Variants in ELAVL4 observed in about 807,000 individuals in gnomAD.
ELAVL4 encodes the protein ELAV like RNA binding protein 4.
A neutral mutation model predicts 35.6 loss-of-function variants in ELAVL4; 1 was observed. That is an observed-to-expected ratio of 0.03 (90% CI 0.01 to 0.13). The LOEUF is 0.13. ELAVL4 is among the 10% of genes least tolerant of loss of function. The pLI is 1.00. For synonymous variants in ELAVL4, 156 were observed against 171.0 expected, an observed-to-expected ratio of 0.91 and a Z score of 0.69; for missense variants, 267 against 464.9, an observed-to-expected ratio of 0.57 and a Z score of 3.91.
At chr1:50,110,274 G>T (rs957648800) in intron 1 of ELAVL4, among the ~76,000 whole-genome samples, 1 of 152,128 alleles carries the variant, frequency 6.6e-6, no homozygotes, top group African/African-American at 2.4e-5. Context: ...CTGTTGGCTG[G>T]CGTGTCCACC....
In ELAVL4 at chr1:50,203,693, T is replaced by C. The variant is rs927058742; in HGVS notation, c.*2515T>C. 6.6e-6 allele frequency: 1 copy of C among 151,092 alleles called. No individual in the cohort carries two copies. Among genetic ancestry groups the C allele is most frequent in the African/African-American group, 2.4e-5 (1 of 41,132 alleles). 9.4% of individuals were successfully genotyped at this position (151,092 alleles called of 1,614,324 possible). On this transcript the variant is annotated 3_prime_UTR_variant, in exon 7 of 7. Coordinates refer to ENST00000371824, the MANE Select transcript of ELAVL4 (RefSeq NM_001144774.3). ...TTTCCAAGGGAAAGTATTGTAAATG[T>C]TTTTTTTTCATAATCTTGTTGTGTT...
intron 1 of ELAVL4, among the ~76,000 whole-genome samples, chr1:50,072,977 T>G (rs1420020851): frequency 6.6e-6 from 1 of 152,222 alleles, no homozygotes; most frequent in Non-Finnish European, 1.5e-5. Flanking sequence ...CATTCACCTT[T>G]AGTCCCCATC....
intron 2 of ELAVL4, among the ~76,000 whole-genome samples, chr1:50,172,127 G>T (rs1434947672): frequency 6.6e-6 from 1 of 152,146 alleles, no homozygotes; most frequent in African/African-American, 2.4e-5. Context: ...TGGCAGTGCA[G>T]AAATGCTGAG....
intron 3 of ELAVL4, among the ~76,000 whole-genome samples, chr1:50,177,735 G>A (rs780265239): frequency 3.9e-5 from 6 of 152,128 alleles, no homozygotes; most frequent in East Asian, 1.9e-4. Flanking sequence ...ATCGAGACTC[G>A]AAAAGGGAGC....
At chr1:50,111,370 A>G (rs1443606694) in intron 1 of ELAVL4, among the ~76,000 whole-genome samples, 2 of 151,306 alleles carry the variant, frequency 1.3e-5, no homozygotes, top group Non-Finnish European at 2.9e-5. Flanking sequence ...ATAATAGTGA[A>G]CTCCCACAGC....
intron 1 of ELAVL4, among the ~76,000 whole-genome samples, chr1:50,135,274 A>T (rs1557758566): frequency 6.6e-6 from 1 of 152,192 alleles, no homozygotes; most frequent in Non-Finnish European, 1.5e-5. Context: ...CTCATTGTAG[A>T]AACAAAACAA....
chr1:50,071,132 T>C (rs1664498729), intron 1 of ELAVL4, among the ~76,000 whole-genome samples: 1 of 152,186 alleles, frequency 6.6e-6, no homozygotes, highest in East Asian at 1.9e-4. Context: ...ACAGTCCTTC[T>C]CTCATCTGCA....
At chr1:50,086,474 TTTTA>T (rs1665246688) in intron 1 of ELAVL4, among the ~76,000 whole-genome samples, 1 of 88,144 alleles carries the variant, frequency 1.1e-5, no homozygotes. Flanking sequence ...ACCATTCAGC[TTTTA>T]TATATATATA....
intron 1 of ELAVL4, among the ~76,000 whole-genome samples, chr1:50,060,665 G>A (rs1328087308): frequency 6.6e-6 from 1 of 152,186 alleles, no homozygotes; most frequent in Non-Finnish European, 1.5e-5. Context: ...GATCCTACTT[G>A]TAGGAATACT....
At chr1:50,157,221 A>G (rs1317576768) in intron 2 of ELAVL4, among the ~76,000 whole-genome samples, 1 of 152,132 alleles carries the variant, frequency 6.6e-6, no homozygotes, top group Non-Finnish European at 1.5e-5. Context: ...CGGGCTAGCT[A>G]TGGGACTTTT....
chr1:50,203,138 T>C lies in ELAVL4; in HGVS notation c.*1960T>C, dbSNP rs1206867906. The C allele has an allele frequency of 6.6e-6, 1 of 152,264 alleles. No homozygotes were observed. Among genetic ancestry groups the C allele is most frequent in the Non-Finnish European group, 1.5e-5 (1 of 68,044 alleles). 9.4% of individuals were successfully genotyped at this position (152,264 alleles called of 1,614,324 possible). A position where few individuals can be genotyped will look rare whatever the true frequency, so the allele number is the denominator to read the frequency against. The stretch of plus-strand genomic sequence containing the variant: ...ATAGTTAAATTTGCTATTGCTTTTC[T>C]TGTCTTGTTATATAAAATCTTTTCA... On this transcript the variant is annotated 3_prime_UTR_variant, in exon 7 of 7. Transcript: ENST00000371824.
At chr1:50,057,426 A>G (rs372502877) in intron 1 of ELAVL4, among the ~76,000 whole-genome samples, 7 of 152,324 alleles carry the variant, frequency 4.6e-5, no homozygotes, top group African/African-American at 1.4e-4. Context: ...TATAAAGTCT[A>G]CAGTAGTGTA....
chr1:50,113,463 C>T (rs1010268730), intron 1 of ELAVL4, among the ~76,000 whole-genome samples: 7 of 152,040 alleles, frequency 4.6e-5, no homozygotes, highest in African/African-American at 1.7e-4. Context: ...AGTACTTTGG[C>T]CTTGACAAAT....
chr1:50,134,678 G>A (rs1433632256), intron 1 of ELAVL4, among the ~76,000 whole-genome samples: 2 of 152,024 alleles, frequency 1.3e-5, no homozygotes, highest in African/African-American at 2.4e-5. Context: ...TTGAAAGTAC[G>A]GTACTGTATT....
In ELAVL4 at chr1:50,200,943, A is replaced by G. The variant is rs1348209023; in HGVS notation, c.866A>G (p.Asn289Ser). Residue 289 changes from asparagine to serine, a missense_variant, in exon 7 of 7, where the codon AAC becomes AGC. Physicochemically the swap from Asn to Ser is conservative, Grantham distance 46. Transcript: ENST00000371824. ...ACTGGGTGGTGCATCTTTGTCTACA[A>G]CCTGTCCCCCGATTCCGATGAGAGT... ...TGTGWCIFVYNLSPDSDESVL... is the reference protein window; with the variant it reads ...TGTGWCIFVYSLSPDSDESVL... 6 of 1,613,770 alleles carry G rather than the reference A, an allele frequency of 3.7e-6. No individual in the cohort carries two copies. The Admixed American group carries it at 5.0e-5, about 13-fold the overall frequency.
At chr1:50,133,639 G>GA (rs1215478266) in intron 1 of ELAVL4, among the ~76,000 whole-genome samples, 1 of 147,436 alleles carries the variant, frequency 6.8e-6, no homozygotes, top group Non-Finnish European at 1.5e-5. Context: ...AAGAAAGAAA[G>GA]AAAGAAAGAA....
intron 1 of ELAVL4, among the ~76,000 whole-genome samples, chr1:50,050,483 A>C (rs1473202761): frequency 2.0e-5 from 3 of 152,242 alleles, no homozygotes; most frequent in Non-Finnish European, 2.9e-5. Context: ...TTATATATCA[A>C]TAAAGTTCAT....
intron 4 of ELAVL4, 147 bp downstream of exon 4, chr1:50,194,065 C>A: frequency 2.8e-6 from 3 of 1,063,142 alleles, no homozygotes; most frequent in South Asian, 1.8e-5. Context: ...GACTTCTTAT[C>A]GGTCAACTGC....
At chr1:50,107,923 C>A (rs1274172952), upstream of ELAVL4, among the ~76,000 whole-genome samples, 4 of 152,058 alleles carry the variant, frequency 2.6e-5, no homozygotes, top group African/African-American at 9.7e-5. Flanking sequence ...TGTCTCTTTG[C>A]AAATCTCTTA....
Sources: allele counts gnomAD v4.1 joint callset (sites outside exome capture counted in the v4.1 genomes callset), GRCh38; gene constraint gnomAD v4.1.1; transcripts MANE v1.5; gene names NCBI Gene and HGNC (gene_info 2026-07-23, HGNC 2026-07-21).